Variants in ESR1 observed in about 807,000 individuals in gnomAD.
ESR1 encodes estrogen receptor 1.
Under a neutral mutation model 52.7 loss-of-function variants are expected in ESR1, and 12 were observed. The observed-to-expected ratio is 0.23, with a 90% CI of 0.15 to 0.37. The LOEUF is 0.37. Ranked by LOEUF, ESR1 falls within the 10% of genes least tolerant of loss-of-function variation. The pLI, the probability that ESR1 is intolerant of heterozygous loss-of-function variation, is 1.00. For synonymous variants in ESR1, 305 were observed against 316.8 expected (o/e 0.96, Z 0.39); for missense variants, 584 against 779.7 (o/e 0.75, Z 2.99).
At chr6:152,034,782 C>T (rs886236631) in intron 5 of ESR1, among the ~76,000 whole-genome samples, 8 of 152,122 alleles carry the variant, frequency 5.3e-5, no homozygotes, top group African/African-American at 1.7e-4. Context: ...TAGATCTTAA[C>T]GAGGTTTTTA....
intron 5 of ESR1, among the ~76,000 whole-genome samples, chr6:152,019,861 G>T (rs1263906765): frequency 6.6e-6 from 1 of 152,066 alleles, no homozygotes; most frequent in African/African-American, 2.4e-5. Flanking sequence ...TCAAGTTTGT[G>T]TTAGTTAGGA....
chr6:151,818,811 A>C (rs1780084226), intron 1 of ESR1, among the ~76,000 whole-genome samples: 1 of 151,148 alleles, frequency 6.6e-6, no homozygotes, highest in Non-Finnish European at 1.5e-5. Flanking sequence ...ACATATATAC[A>C]CACACACACA....
At chr6:151,719,130 C>T (rs754546796) in intron 2 of ESR1, among the ~76,000 whole-genome samples, 10 of 152,290 alleles carry the variant, frequency 6.6e-5, no homozygotes, top group South Asian at 6.2e-4. Context: ...TCTGGATGCT[C>T]GGCTCCATCA....
At chr6:151,850,075 A>C (rs796665602) in intron 2 of ESR1, among the ~76,000 whole-genome samples, 4,388 of 82,274 alleles carry the variant, frequency 0.053, 212 homozygotes, top group East Asian at 0.1. Flanking sequence ...TATATATATA[A>C]AAAATTATAT....
At chr6:152,018,246 T>G (rs1396799813) in intron 5 of ESR1, among the ~76,000 whole-genome samples, 1 of 151,768 alleles carries the variant, frequency 6.6e-6, no homozygotes, top group Non-Finnish European at 1.5e-5. Flanking sequence ...AAAAAGTCAT[T>G]CTCTACAAAC....
chr6:151,895,609 T>C (rs1795373476), intron 3 of ESR1, among the ~76,000 whole-genome samples: 1 of 152,236 alleles, frequency 6.6e-6, no homozygotes. Flanking sequence ...CTGGATTTTG[T>C]CAAATGCTTT....
At chr6:152,002,219 T>C (rs2042010645) in intron 4 of ESR1, among the ~76,000 whole-genome samples, 1 of 150,546 alleles carries the variant, frequency 6.6e-6, no homozygotes, top group Admixed American at 6.6e-5. Flanking sequence ...TGTGTGTGTG[T>C]GTGGAATATC....
At chr6:152,032,678 G>C (rs540140815) in intron 5 of ESR1, among the ~76,000 whole-genome samples, 50 of 152,296 alleles carry the variant, frequency 3.3e-4, no homozygotes, top group African/African-American at 1.2e-3. Flanking sequence ...ATGCTTATGG[G>C]TAGGAAGAAT....
At chr6:151,791,199 C>T (rs1202051040) in intron 2 of ESR1, among the ~76,000 whole-genome samples, 1 of 152,262 alleles carries the variant, frequency 6.6e-6, no homozygotes, top group South Asian at 2.1e-4. Flanking sequence ...TGGCTGTGAC[C>T]TCGCTCAAAT....
chr6:152,076,915 A>C (rs13211322), intron 6 of ESR1, among the ~76,000 whole-genome samples: 32,026 of 152,100 alleles, frequency 0.21, 4,740 homozygotes, highest in African/African-American at 0.41. Context: ...GAAAATTTGC[A>C]GCCTGATGAT....
chr6:151,991,058 A>G (rs955800382), intron 4 of ESR1, among the ~76,000 whole-genome samples: 8 of 152,204 alleles, frequency 5.3e-5, no homozygotes, highest in African/African-American at 1.9e-4. Flanking sequence ...TCTTTAGTGC[A>G]CTAAATTTTT....
chr6:151,712,547 G>T (rs1175558474), intron 2 of ESR1, among the ~76,000 whole-genome samples: 1 of 152,060 alleles, frequency 6.6e-6, no homozygotes, highest in Non-Finnish European at 1.5e-5. Flanking sequence ...TCCTTGAAGA[G>T]GTCCTTCACT....
At chr6:151,944,147 AT>A (rs55740371) in intron 3 of ESR1, 25 bp from the exon 4 acceptor site, 235 of 1,537,542 alleles carry the variant, frequency 1.5e-4, no homozygotes, top group Admixed American at 6.1e-4. Flanking sequence ...AAATAAACTA[AT>A]TTTTTTTTCC....
intron 2 of ESR1, among the ~76,000 whole-genome samples, chr6:151,788,361 T>C (rs774373173): frequency 3.3e-5 from 5 of 152,200 alleles, no homozygotes; most frequent in Non-Finnish European, 5.9e-5. Context: ...AAGCTCAGCA[T>C]CACTGATCAT....
chr6:151,923,333 T>A (rs1294087370), intron 3 of ESR1, among the ~76,000 whole-genome samples: 1 of 152,206 alleles, frequency 6.6e-6, no homozygotes, highest in Non-Finnish European at 1.5e-5. Flanking sequence ...GTCTATTCTT[T>A]GTTCTGTAAA....
At chr6:152,002,050 A>G (rs1196961902) in intron 4 of ESR1, among the ~76,000 whole-genome samples, 1 of 151,872 alleles carries the variant, frequency 6.6e-6, no homozygotes, top group Non-Finnish European at 1.5e-5. Flanking sequence ...TACCTTGTAA[A>G]ACTCCCGTTT....
At chr6:152,116,799 A>T (rs2051215853) in intron 6 of ESR1, among the ~76,000 whole-genome samples, 1 of 151,944 alleles carries the variant, frequency 6.6e-6, no homozygotes, top group African/African-American at 2.4e-5. Flanking sequence ...ATAATAAATT[A>T]TACTACATAC....
At chr6:151,716,002 C>T (rs563891813) in intron 2 of ESR1, among the ~76,000 whole-genome samples, 1 of 152,214 alleles carries the variant, frequency 6.6e-6, no homozygotes, top group East Asian at 1.9e-4. Flanking sequence ...ATGTTGGTGA[C>T]CTTTGGATGG....
intron 6 of ESR1, among the ~76,000 whole-genome samples, chr6:152,114,852 C>G (rs1194139086): frequency 7.6e-6 from 1 of 132,330 alleles, no homozygotes; most frequent in Admixed American, 8.7e-5. Context: ...GATCGCGCCA[C>G]TGCACTCCAG....
Sources: allele counts gnomAD v4.1 joint callset (sites outside exome capture counted in the v4.1 genomes callset), GRCh38; gene constraint gnomAD v4.1.1; transcripts MANE v1.5; gene names NCBI Gene and HGNC (gene_info 2026-07-23, HGNC 2026-07-21).